RNGTT: variants seen among roughly 807,000 people sequenced by gnomAD.
RNGTT encodes RNA guanylyltransferase and 5'-phosphatase.
In RNGTT, 33 loss-of-function variants were observed where a neutral mutation model predicts 79.3. The ratio of observed to expected loss-of-function variants is 0.42; its 90% CI spans 0.32 to 0.56. The LOEUF (loss-of-function observed/expected upper bound fraction) is 0.56. Among genes scored for constraint, RNGTT ranks in the 20% least tolerant of loss-of-function variants. The pLI is 0.17. For missense variants in RNGTT, 497 were observed against 739.1 expected, an observed-to-expected ratio of 0.67 and a Z score of 3.80; for synonymous variants, 222 against 235.9, an observed-to-expected ratio of 0.94 and a Z score of 0.54.
rs1251788568 is a variant in RNGTT at position 88,680,797 on chromosome 6, T to A, written c.1440-2378A>T. ...TAAAGGGTCACTAAGAGAATATTAA[T>A]AGCTGCTAAATACAATTCTGAATTA... On this transcript the variant is annotated intron_variant, in intron 13 of 15. Transcript: ENST00000369485. Among the ~76,000 whole-genome samples the A allele has an allele frequency of 6.0e-5, 9 of 150,658 alleles. No individual in the cohort carries two copies. In the East Asian group the frequency reaches 1.6e-3, roughly 26 times the overall value.
intron 12 of RNGTT, among the ~76,000 whole-genome samples, chr6:88,783,015 C>T (rs1252938852): frequency 2.0e-5 from 3 of 152,080 alleles, no homozygotes; most frequent in Admixed American, 6.6e-5. Flanking sequence ...GACAGAACCA[C>T]CCTATGATTC....
chr6:88,866,655 C>T (rs1782175600), intron 8 of RNGTT, among the ~76,000 whole-genome samples: 1 of 152,144 alleles, frequency 6.6e-6, no homozygotes, highest in Non-Finnish European at 1.5e-5. Context: ...TGGATACAGA[C>T]ACATTCAAAT....
chr6:88,920,070 T>G (rs1436522786), intron 4 of RNGTT, among the ~76,000 whole-genome samples: 2 of 152,142 alleles, frequency 1.3e-5, no homozygotes, highest in Non-Finnish European at 2.9e-5. Context: ...TTGTTACAAT[T>G]TGTGGGATGA....
intron 15 of RNGTT, 100 bp downstream of exon 15, chr6:88,614,172 T>TTC: frequency 9.0e-7 from 1 of 1,106,700 alleles, no homozygotes; most frequent in Non-Finnish European, 1.3e-6. Flanking sequence ...TCCAAATGAC[T>TTC]ATGCCCCATT....
At chr6:88,896,791 A>G (rs1783264667) in intron 6 of RNGTT, among the ~76,000 whole-genome samples, 2 of 152,204 alleles carry the variant, frequency 1.3e-5, no homozygotes, top group South Asian at 4.1e-4. Context: ...ATTGCCCTAC[A>G]TTCATCAAAA....
At chr6:88,841,856 T>C (rs1341660695) in intron 11 of RNGTT, among the ~76,000 whole-genome samples, 3 of 152,250 alleles carry the variant, frequency 2.0e-5, no homozygotes, top group Non-Finnish European at 4.4e-5. Flanking sequence ...CAGCTGGCCT[T>C]CTTCTGAATG....
chr6:88,660,133 C>T (rs182158923), intron 14 of RNGTT, among the ~76,000 whole-genome samples: 1 of 152,152 alleles, frequency 6.6e-6, no homozygotes, highest in South Asian at 2.1e-4. Flanking sequence ...GCCAGCACTA[C>T]AAGAAATGCT....
At chr6:88,614,196 A>G (rs1051008543) in intron 15 of RNGTT, 76 bp downstream of exon 15, 11 of 1,430,030 alleles carry the variant, frequency 7.7e-6, no homozygotes, top group Non-Finnish European at 1.1e-5. Flanking sequence ...CAAAACAACA[A>G]AGGCAGCACA....
At chr6:88,906,233 A>G (rs1783649946) in intron 5 of RNGTT, 132 bp downstream of exon 5, 1 of 623,578 alleles carries the variant, frequency 1.6e-6, no homozygotes, top group Non-Finnish European at 2.8e-6. Context: ...ACCATATCTA[A>G]AATGAAAAGC....
chr6:88,674,539 A>T (rs1445572224), intron 14 of RNGTT, among the ~76,000 whole-genome samples: 2 of 151,774 alleles, frequency 1.3e-5, no homozygotes, highest in Non-Finnish European at 2.9e-5. Flanking sequence ...ACAGAGTGAG[A>T]CTCTGTCTCA....
intron 8 of RNGTT, among the ~76,000 whole-genome samples, chr6:88,882,832 CAA>C (rs2127928772): frequency 1.3e-5 from 2 of 152,284 alleles, no homozygotes; most frequent in Non-Finnish European, 2.9e-5. Context: ...ATTTTGGAAA[CAA>C]AGAGCAACCT....
At chr6:88,821,467 A>T (rs532908486) in intron 11 of RNGTT, among the ~76,000 whole-genome samples, 1 of 152,224 alleles carries the variant, frequency 6.6e-6, no homozygotes, top group African/African-American at 2.4e-5. Context: ...GAACTATCCA[A>T]TAATACAAAA....
chr6:88,658,968 C>T (rs1435697811), intron 14 of RNGTT, among the ~76,000 whole-genome samples: 5 of 152,230 alleles, frequency 3.3e-5, no homozygotes, highest in Non-Finnish European at 2.9e-5. Flanking sequence ...CTTCCTGGTT[C>T]CTCAGCTTGC....
At chr6:88,757,485 T>C (rs987132214) in intron 13 of RNGTT, among the ~76,000 whole-genome samples, 9 of 152,180 alleles carry the variant, frequency 5.9e-5, no homozygotes, top group African/African-American at 1.4e-4. Context: ...GTATCTCTTA[T>C]ATGGGGTAGA....
chr6:88,731,218 C>T (rs2127819939), intron 13 of RNGTT, among the ~76,000 whole-genome samples: 1 of 152,266 alleles, frequency 6.6e-6, no homozygotes, highest in East Asian at 1.9e-4. Context: ...AAACAAAAAG[C>T]TGATGGCATC....
At chr6:88,715,310 A>T (rs1034362418) in intron 13 of RNGTT, among the ~76,000 whole-genome samples, 1 of 152,210 alleles carries the variant, frequency 6.6e-6, no homozygotes, top group African/African-American at 2.4e-5. Context: ...TCAATGAAAT[A>T]AAAGAGGATA....
intron 13 of RNGTT, among the ~76,000 whole-genome samples, chr6:88,715,323 A>G (rs1485341081): frequency 6.6e-6 from 1 of 152,206 alleles, no homozygotes; most frequent in Non-Finnish European, 1.5e-5. Context: ...AGAGGATACA[A>G]ACAAATGGAA....
intron 11 of RNGTT, among the ~76,000 whole-genome samples, chr6:88,806,079 T>TA (rs1779943341): frequency 6.6e-6 from 1 of 152,208 alleles, no homozygotes; most frequent in East Asian, 1.9e-4. Flanking sequence ...TAAAGATACT[T>TA]ACCTCAGTCT....
chr6:88,727,679 A>G (rs1444887810), intron 13 of RNGTT, among the ~76,000 whole-genome samples: 2 of 152,212 alleles, frequency 1.3e-5, no homozygotes, highest in East Asian at 3.8e-4. Flanking sequence ...ATTGTCAAAT[A>G]TAAAATGGTG....
Sources: allele counts gnomAD v4.1 joint callset (sites outside exome capture counted in the v4.1 genomes callset), GRCh38; gene constraint gnomAD v4.1.1; transcripts MANE v1.5; gene names NCBI Gene and HGNC (gene_info 2026-07-23, HGNC 2026-07-21).